PTPRK: variants seen among roughly 807,000 people sequenced by gnomAD.
PTPRK encodes the protein protein tyrosine phosphatase receptor type K.
PTPRK carries 75 observed loss-of-function variants against 178.0 expected under a neutral mutation model. That is an observed-to-expected ratio of 0.42 (90% CI 0.35 to 0.51). The LOEUF (loss-of-function observed/expected upper bound fraction) is 0.51. Ranked by LOEUF, PTPRK falls within the 20% of genes least tolerant of loss-of-function variation. The pLI is 0.02. For synonymous variants in PTPRK, 637 were observed against 620.6 expected (o/e 1.03, Z -0.39); for missense variants, 1,441 against 1,797.8 (o/e 0.80, Z 3.59).
chr6:127,985,726 A>G lies in PTPRK; in HGVS notation c.3246T>C (p.His1082=), dbSNP rs368044064. ...NPPSAGPIVV[H]CSAGAGRTGC... Reference sequence around the variant, plus strand: ...CCATTTGGACCACCACTTACCTGCAATGTACAACGATGGGGCCAGCACTGG... The same window carrying G: ...CCATTTGGACCACCACTTACCTGCAGTGTACAACGATGGGGCCAGCACTGG... The change falls in exon 22 of 30, where the codon CAT becomes CAC. Residue 1082 remains histidine (H), a synonymous_variant. Coordinates refer to ENST00000368226, the MANE Select transcript of PTPRK (RefSeq NM_002844.4). 23 of 1,611,800 alleles carry G rather than the reference A, an allele frequency of 1.4e-5. No individual in the cohort carries two copies. In the Admixed American group the frequency reaches 3.0e-4, roughly 21 times the overall value.
At chr6:128,206,500 T>C (rs1421466749) in intron 6 of PTPRK, among the ~76,000 whole-genome samples, 1 of 150,878 alleles carries the variant, frequency 6.6e-6, no homozygotes, top group Non-Finnish European at 1.5e-5. Context: ...ATTCTCAGTA[T>C]AAAAAAAGGA....
At chr6:128,003,507 T>A (rs939962148) in intron 15 of PTPRK, among the ~76,000 whole-genome samples, 2 of 151,784 alleles carry the variant, frequency 1.3e-5, no homozygotes, top group Non-Finnish European at 2.9e-5. Context: ...AAAAAACCCA[T>A]GTATTTTAGA....
At chr6:128,455,517 A>G (rs1038942122) in intron 1 of PTPRK, among the ~76,000 whole-genome samples, 9 of 152,152 alleles carry the variant, frequency 5.9e-5, no homozygotes, top group Admixed American at 2.6e-4. Flanking sequence ...TACTTCAGAA[A>G]TGATCTATCA....
intron 1 of PTPRK, among the ~76,000 whole-genome samples, chr6:128,486,839 A>C (rs1314201018): frequency 6.7e-6 from 1 of 149,948 alleles, no homozygotes; most frequent in African/African-American, 2.5e-5. Flanking sequence ...GAAGGAAGGA[A>C]GAAAGGAAAA....
At chr6:128,435,032 G>A (rs1562514521) in intron 1 of PTPRK, among the ~76,000 whole-genome samples, 2 of 98,464 alleles carry the variant, frequency 2.0e-5, no homozygotes, top group South Asian at 7.6e-4. Flanking sequence ...AAGTAAGACA[G>A]GAAGGCAGGA....
At chr6:128,465,877 GAGGCAGAC>G (rs1849784596) in intron 1 of PTPRK, among the ~76,000 whole-genome samples, 1 of 152,126 alleles carries the variant, frequency 6.6e-6, no homozygotes, top group Non-Finnish European at 1.5e-5. Flanking sequence ...AGAGGCATGG[GAGGCAGAC>G]CATATGTGAG....
At chr6:128,428,673 A>G (rs1721133528) in intron 1 of PTPRK, among the ~76,000 whole-genome samples, 1 of 152,192 alleles carries the variant, frequency 6.6e-6, no homozygotes, top group Admixed American at 6.5e-5. Flanking sequence ...ACAAATGAAT[A>G]CTCAGAATGA....
chr6:128,275,114 T>C (rs1198212665), intron 3 of PTPRK, among the ~76,000 whole-genome samples: 1 of 152,026 alleles, frequency 6.6e-6, no homozygotes, highest in Non-Finnish European at 1.5e-5. Flanking sequence ...ACACTTTCAT[T>C]TTAATCATAA....
rs9388624 is a variant in PTPRK at position 128,235,746 on chromosome 6, G to A, written c.693+4289C>T. 8,932 of 341,836 alleles carry A rather than the reference G, an allele frequency of 0.026. 571 individuals carry two copies. In the East Asian group the frequency reaches 0.3, roughly 11 times the overall value. The allele number at this position is 341,836 out of a possible 1,614,324, so 21.2% of individuals were successfully genotyped here. A position where few individuals can be genotyped will look rare whatever the true frequency, so the allele number is the denominator to read the frequency against. ...TTCTGACATCCCAACCATCAAAATC[G>A]TCATGGCTCAATGATCTAGGATAGC... On this transcript the variant is annotated intron_variant, in intron 5 of 29. Transcript: ENST00000368226.
intron 13 of PTPRK, among the ~76,000 whole-genome samples, chr6:128,011,975 C>T (rs1167517840): frequency 1.3e-5 from 2 of 151,028 alleles, no homozygotes; most frequent in South Asian, 2.1e-4. Context: ...GAAAAAAAAG[C>T]CCATTAAGTT....
intron 5 of PTPRK, among the ~76,000 whole-genome samples, chr6:128,232,391 T>C (rs1812456835): frequency 6.6e-6 from 1 of 152,194 alleles, no homozygotes; most frequent in Non-Finnish European, 1.5e-5. Context: ...GCAAAAAGTA[T>C]CTTAAAAAGT....
At chr6:128,080,049 T>A (rs1784539289) in intron 10 of PTPRK, among the ~76,000 whole-genome samples, 1 of 144,694 alleles carries the variant, frequency 6.9e-6, no homozygotes, top group African/African-American at 2.5e-5. Flanking sequence ...TTCATTAGTA[T>A]TGGCAGTGGG....
intron 1 of PTPRK, among the ~76,000 whole-genome samples, chr6:128,487,757 C>T (rs573887991): frequency 2.6e-5 from 4 of 152,254 alleles, no homozygotes; most frequent in African/African-American, 9.6e-5. Context: ...AGAAGACTCC[C>T]AGGTCACATA....
chr6:128,166,282 T>C (rs1799387389), intron 7 of PTPRK, among the ~76,000 whole-genome samples: 1 of 151,592 alleles, frequency 6.6e-6, no homozygotes. Flanking sequence ...TAAGACAAGG[T>C]ATGCTTTTCT....
At chr6:128,475,395 G>A (rs149608524) in intron 1 of PTPRK, among the ~76,000 whole-genome samples, 180 of 152,098 alleles carry the variant, frequency 1.2e-3, no homozygotes, top group East Asian at 4.1e-3. Context: ...AGATCACTTC[G>A]CGAGAACAGC....
intron 7 of PTPRK, among the ~76,000 whole-genome samples, chr6:128,151,043 TA>T (rs201194258): frequency 0.011 from 1,710 of 151,910 alleles, 25 homozygotes; most frequent in African/African-American, 0.039. Flanking sequence ...GAATATAAGG[TA>T]AAAAAAAGTA....
At chr6:128,229,172 C>A (rs1176595984) in intron 5 of PTPRK, among the ~76,000 whole-genome samples, 1 of 152,038 alleles carries the variant, frequency 6.6e-6, no homozygotes, top group South Asian at 2.1e-4. Flanking sequence ...TAAATAAGAG[C>A]TAAGTAGAAG....
At chr6:128,022,692 T>C (rs1773713642) in intron 13 of PTPRK, among the ~76,000 whole-genome samples, 4 of 152,176 alleles carry the variant, frequency 2.6e-5, no homozygotes, top group Admixed American at 2.0e-4. Context: ...GTCCTCAGTA[T>C]TTCCTGGAAC....
rs138166211 is a variant in PTPRK, at chr6:128,405,076, G to A, written c.101-7388C>T. Among the ~76,000 whole-genome samples the A allele has an allele frequency of 3.6e-3, 548 of 152,184 alleles. 9 individuals carry two copies. Among genetic ancestry groups the A allele is most frequent in the Non-Finnish European group, 5.4e-4 (37 of 68,008 alleles). ...ACTTTGAACCATATAATATATCAAC[G>A]TCTCTCAGGCATCCCTGATATCACT... On this transcript the variant is annotated intron_variant, in intron 1 of 29. Coordinates refer to ENST00000368226, the MANE Select transcript of PTPRK (RefSeq NM_002844.4).
Sources: allele counts gnomAD v4.1 joint callset (sites outside exome capture counted in the v4.1 genomes callset), GRCh38; gene constraint gnomAD v4.1.1; transcripts MANE v1.5; gene names NCBI Gene and HGNC (gene_info 2026-07-23, HGNC 2026-07-21).